The following NPIPB4 variants were observed in gnomAD, a reference collection of about 807,000 sequenced individuals.
The protein encoded by NPIPB4 is nuclear pore complex interacting protein family member B4, also known as nuclear pore complex-interacting protein family member B4.
For synonymous variants in NPIPB4, 31 were observed against 194.1 expected (o/e 0.16, Z 6.99); for missense variants, 105 against 513.7 (o/e 0.20, Z 7.69).
chr16:21,850,886 C>A (rs1902470841), intron 2 of NPIPB4, among the ~76,000 whole-genome samples: 1 of 13,672 alleles, frequency 7.3e-5, no homozygotes, highest in East Asian at 1.0e-3. Context: ...CCCGACTAAT[C>A]TTTATTGGAA....
At chr16:21,840,010 TACA>T (rs2141845938) in intron 5 of NPIPB4, 1 of 21,118 alleles carries the variant, frequency 4.7e-5, no homozygotes, top group South Asian at 3.5e-4. Flanking sequence ...TGGTTGATCC[TACA>T]ACAACACACT....
At chr16:21,850,152 T>C (rs566221700) in intron 2 of NPIPB4, among the ~76,000 whole-genome samples, 411 of 123,024 alleles carry the variant, frequency 3.3e-3, no homozygotes, top group African/African-American at 7.4e-3. Flanking sequence ...TCCCAGCCAC[T>C]CGGGAGGCTG....
intron 2 of NPIPB4, among the ~76,000 whole-genome samples, chr16:21,850,461 G>C (rs558859669): frequency 1.3e-5 from 2 of 151,974 alleles, no homozygotes; most frequent in African/African-American, 4.8e-5. Flanking sequence ...CTATCCTGGC[G>C]AACATGGTGA....
In NPIPB4 at chr16:21,836,410, G is replaced by A. The variant is rs201069804; in HGVS notation, c.1977C>T (p.Ser659=). Residue 659 remains serine (S), a synonymous_variant, in exon 8 of 8, where the codon AGC becomes AGT. Coordinates refer to ENST00000682606, the MANE Select transcript of NPIPB4 (RefSeq NM_001384980.1). ...QQMIISRYLL[S]VCGFRFHHQP... is the part of the protein sequence containing the mutation. ...GATGGTGGAAGCGGAATCCGCAGAC[G>A]CTCAGCAGGTATCTTGATATTATCA... 4.8e-5 allele frequency: 62 copies of A among 1,299,448 alleles called. No homozygotes were observed. The highest frequency in any genetic ancestry group is 2.6e-4 in the South Asian group (20 of 76,846). 80.5% of individuals were successfully genotyped at this position (1,299,448 alleles called of 1,614,324 possible).
At chr16:21,846,003 C>T (rs1252908089) in intron 3 of NPIPB4, among the ~76,000 whole-genome samples, 2 of 138,732 alleles carry the variant, frequency 1.4e-5, no homozygotes, top group Non-Finnish European at 3.1e-5. Context: ...GGTAAAACCC[C>T]GACTCTACTA....
intron 2 of NPIPB4, among the ~76,000 whole-genome samples, chr16:21,850,804 A>T (rs1902463729): frequency 4.0e-5 from 2 of 50,050 alleles, no homozygotes; most frequent in African/African-American, 1.9e-4. Flanking sequence ...TGCAACGTCC[A>T]GCTCCTGGGC....
intron 2 of NPIPB4, among the ~76,000 whole-genome samples, chr16:21,850,154 G>C (rs1484151058): frequency 5.5e-5 from 7 of 127,674 alleles, no homozygotes; most frequent in Non-Finnish European, 1.0e-4. Flanking sequence ...CCAGCCACTC[G>C]GGAGGCTGAG....
chr16:21,842,005 C>T (rs571826019), intron 5 of NPIPB4, among the ~76,000 whole-genome samples: 62 of 151,678 alleles, frequency 4.1e-4, no homozygotes, highest in South Asian at 1.0e-3. Context: ...GAGCCTGCAC[C>T]GACGACTTCA....
intron 2 of NPIPB4, among the ~76,000 whole-genome samples, chr16:21,850,602 G>A (rs1241387943): frequency 7.5e-6 from 1 of 133,150 alleles, no homozygotes; most frequent in African/African-American, 3.0e-5. Flanking sequence ...AACCCCAGAA[G>A]CGGAGGTTGC....
intron 2 of NPIPB4, among the ~76,000 whole-genome samples, chr16:21,850,658 T>G (rs1460301507): frequency 3.8e-5 from 1 of 26,246 alleles, no homozygotes; most frequent in Non-Finnish European, 6.2e-5. Context: ...GGCGACAGAG[T>G]GAGACTCTGT....
intron 5 of NPIPB4, among the ~76,000 whole-genome samples, chr16:21,840,208 G>A (rs1901647390): frequency 4.2e-5 from 1 of 23,958 alleles, no homozygotes; most frequent in Non-Finnish European, 1.1e-4. Flanking sequence ...CTCACGATAT[G>A]TCTTCTGACC....
Position 21,837,306 on chromosome 16 carries a change from A to T in NPIPB4, c.1081T>A (p.Ser361Thr), listed in dbSNP as rs1901552703. Residue 361 changes from serine to threonine, a missense_variant, in exon 8 of 8, where the codon TCA becomes ACA. Physicochemically the swap from Ser to Thr is moderately conservative, Grantham distance 58. Coordinates refer to ENST00000682606, the MANE Select transcript of NPIPB4 (RefSeq NM_001384980.1). ...CGTGTCTTGAGATTATCATCCGCTG[A>T]GGGTGGAGCTGAGGGTAGAGCTGAG... Reference protein sequence around the residue: ...PPSALPSAPPSADDNLKTRAE... With the variant: ...PPSALPSAPPTADDNLKTRAE... 6 of 1,240,314 alleles carry T rather than the reference A, an allele frequency of 4.8e-6. No homozygotes were observed. Among genetic ancestry groups the T allele is most frequent in the Non-Finnish European group, 4.1e-6 (4 of 986,070 alleles). The allele number at this position is 1,240,314 out of a possible 1,614,324, so 76.8% of individuals were successfully genotyped here.
chr16:21,851,217 G>A (rs1902483421), intron 2 of NPIPB4: 2 of 169,588 alleles, frequency 1.2e-5, no homozygotes, highest in African/African-American at 1.5e-4. Flanking sequence ...TTAGGGCAGG[G>A]GGGAGGGAAG....
chr16:21,850,826 TCCCA>T (rs1902465619), intron 2 of NPIPB4, among the ~76,000 whole-genome samples: 1 of 37,548 alleles, frequency 2.7e-5, no homozygotes, highest in African/African-American at 1.3e-4. Context: ...CAAGCGATCC[TCCCA>T]CCTCAGCCTC....
At position 21,837,469 on chromosome 16, in the gene NPIPB4, C is replaced by G. The variant is rs1278668635; in HGVS notation, c.918G>C (p.Glu306Asp). 6 of 723,610 alleles carry G rather than the reference C, an allele frequency of 8.3e-6. 2 individuals carry two copies. The highest frequency in any genetic ancestry group is 1.0e-5 in the Non-Finnish European group (5 of 487,570). The allele number at this position is 723,610 out of a possible 1,614,324, so 44.8% of individuals were successfully genotyped here. A position where few individuals can be genotyped will look rare whatever the true frequency, so the allele number is the denominator to read the frequency against. The change falls in exon 8 of 8, where the codon GAG (glutamate) becomes GAC (aspartate). Residue 306 changes from glutamate (E) to aspartate (D), a missense_variant. By Grantham distance (45) the Glu-to-Asp change is conservative. Transcript: ENST00000682606. ...SADDNLKTPP[E>D]CVLTPLPPSA... The stretch of plus-strand genomic sequence containing the variant: ...AGGGTGGAAGGGGAGTGAGCACACA[C>G]TCGGGAGGTGTCTTGAGATTATCAT...
In NPIPB4 at chr16:21,836,462, A is replaced by G; in HGVS notation, c.1925T>C (p.Phe642Ser). ...RHLPSVSSLP[F>S]HPQLHPQQMI... ...CTGCTGAGGGTGGAGCTGAGGGTGGAAGGGGAGTGAGCTGACGCTCGGAAG... is the reference window on the plus strand; with the variant it reads ...CTGCTGAGGGTGGAGCTGAGGGTGGGAGGGGAGTGAGCTGACGCTCGGAAG... The change falls in exon 8 of 8, where the codon TTC (phenylalanine) becomes TCC (serine). Residue 642 changes from phenylalanine (F) to serine (S), a missense_variant. By Grantham distance (155) the Phe-to-Ser change is radical. Coordinates refer to ENST00000682606, the MANE Select transcript of NPIPB4 (RefSeq NM_001384980.1). The G allele has an allele frequency of 7.4e-7, 1 of 1,348,938 alleles. No individual in the cohort carries two copies. The highest frequency in any genetic ancestry group is 1.7e-5 in the African/African-American group (1 of 57,460). The allele number at this position is 1,348,938 out of a possible 1,614,324, so 83.6% of individuals were successfully genotyped here. A position where few individuals can be genotyped will look rare whatever the true frequency, so the allele number is the denominator to read the frequency against.
intron 2 of NPIPB4, chr16:21,851,313 G>T: frequency 2.0e-5 from 3 of 151,456 alleles, no homozygotes; most frequent in South Asian, 1.7e-4. Context: ...GGAGGGGAAG[G>T]GGGGAAGTAA....
At chr16:21,851,237 AC>A (rs1340927318) in intron 2 of NPIPB4, 9 of 186,718 alleles carry the variant, frequency 4.8e-5, no homozygotes, top group Non-Finnish European at 7.2e-5. Flanking sequence ...GGGGACGGGG[AC>A]CGGGGCCGGA....
chr16:21,850,611 G>A (rs1358898363), intron 2 of NPIPB4, among the ~76,000 whole-genome samples: 7 of 118,038 alleles, frequency 5.9e-5, no homozygotes, highest in African/African-American at 2.5e-4. Context: ...AGCGGAGGTT[G>A]CAGTGAGCCG....
Sources: gnomAD v4.1 joint callset for allele counts (sites outside exome capture counted in the v4.1 genomes callset) on GRCh38, gnomAD v4.1.1 for gene constraint, MANE v1.5 for transcripts, NCBI Gene and HGNC (gene_info 2026-07-23, HGNC 2026-07-21) for gene names.